The following NFIB variants were observed in gnomAD, a reference collection of about 807,000 sequenced individuals.
NFIB encodes the protein nuclear factor I B.
A neutral mutation model predicts 61.5 loss-of-function variants in NFIB; 11 were observed. The ratio of observed to expected loss-of-function variants is 0.18; its 90% CI spans 0.11 to 0.30. The LOEUF is 0.30. NFIB is among the 10% of genes least tolerant of loss of function. The probability of loss-of-function intolerance (pLI) is 1.00; values close to 1 mark genes in which losing one functional copy is unlikely to be tolerated. For missense variants in NFIB, 471 were observed against 608.9 expected (o/e 0.77, Z 2.38); for synonymous variants, 260 against 216.5 (o/e 1.20, Z -1.76).
chr9:14,145,153 T>C (rs1406385115), intron 6 of NFIB, among the ~76,000 whole-genome samples: 1 of 151,966 alleles, frequency 6.6e-6, no homozygotes, highest in South Asian at 2.1e-4. Context: ...CAGTCAAAAC[T>C]CTCCAGTTGA....
At chr9:14,118,486 A>G (rs1031769981) in intron 8 of NFIB, among the ~76,000 whole-genome samples, 21 of 152,154 alleles carry the variant, frequency 1.4e-4, no homozygotes, top group Admixed American at 1.4e-3. Flanking sequence ...TGACAAAGAA[A>G]GAATTCCCAA....
intron 4 of NFIB, among the ~76,000 whole-genome samples, chr9:14,152,929 T>A (rs1431617600): frequency 6.6e-6 from 1 of 151,930 alleles, no homozygotes; most frequent in East Asian, 1.9e-4. Flanking sequence ...ACAGTTATAA[T>A]AGACAGAAAG....
intron 2 of NFIB, among the ~76,000 whole-genome samples, chr9:14,289,122 G>GTGTATA (rs1554703228): frequency 7.1e-6 from 1 of 139,910 alleles, no homozygotes. Flanking sequence ...GTGTGTATAT[G>GTGTATA]TATATATATA....
the NFIB span, among the ~76,000 whole-genome samples, chr9:14,483,496 A>T: frequency 6.6e-6 from 1 of 152,212 alleles, no homozygotes; most frequent in African/African-American, 2.4e-5. Flanking sequence ...ATATTGGTCA[A>T]GAAGTCAGGC....
the NFIB span, among the ~76,000 whole-genome samples, chr9:14,465,622 C>G: frequency 6.6e-6 from 1 of 151,472 alleles, no homozygotes; most frequent in East Asian, 1.9e-4. Context: ...CTACCCCCTG[C>G]AGCTATGGGC....
chr9:14,157,077 C>T (rs560715222), intron 3 of NFIB, among the ~76,000 whole-genome samples: 12 of 152,216 alleles, frequency 7.9e-5, no homozygotes, highest in African/African-American at 2.9e-4. Flanking sequence ...AGATTCCTCA[C>T]TTAACAAATT....
At chr9:14,499,359 A>C in the NFIB span, among the ~76,000 whole-genome samples, 1 of 152,050 alleles carries the variant, frequency 6.6e-6, no homozygotes, top group Non-Finnish European at 1.5e-5. Flanking sequence ...GGAAGCTGGG[A>C]AGGTGGTCAG....
At chr9:14,323,546 A>G (rs2060710125) in intron 1 of NFIB, among the ~76,000 whole-genome samples, 1 of 152,266 alleles carries the variant, frequency 6.6e-6, no homozygotes, top group Non-Finnish European at 1.5e-5. Flanking sequence ...AAAAGATTTT[A>G]TTACAGAGAT....
intron 2 of NFIB, among the ~76,000 whole-genome samples, chr9:14,191,816 C>T (rs1035173107): frequency 4.6e-5 from 7 of 152,156 alleles, no homozygotes; most frequent in East Asian, 1.9e-4. Context: ...TTTCATTGCA[C>T]GTACCATTAC....
At position 14,289,604 on chromosome 9, in the gene NFIB, TATAC is replaced by T. The variant is rs1014083438; in HGVS notation, c.562+17381_562+17384del. On this transcript the variant is annotated intron_variant, in intron 2 of 10. Transcript: ENST00000380953. ...AAATACACATATATATGCACATACA[TATAC>T]ATACATACATACACACACATATAAA... Among the ~76,000 whole-genome samples, 68 of 151,828 alleles carry T rather than the reference TATAC, an allele frequency of 4.5e-4. 3 individuals are homozygous for T. Among genetic ancestry groups the T allele is most frequent in the Non-Finnish European group, 4.9e-4 (33 of 67,886 alleles).
At chr9:14,285,037 G>C (rs1000410709) in intron 2 of NFIB, among the ~76,000 whole-genome samples, 1 of 152,190 alleles carries the variant, frequency 6.6e-6, no homozygotes, top group Non-Finnish European at 1.5e-5. Flanking sequence ...TAAAAGATTT[G>C]CTTGGAAATC....
the NFIB span, among the ~76,000 whole-genome samples, chr9:14,459,414 C>A: frequency 6.6e-6 from 1 of 152,112 alleles, no homozygotes; most frequent in East Asian, 1.9e-4. Context: ...CATAAAAACC[C>A]TAGAAGAAAA....
intron 10 of NFIB, among the ~76,000 whole-genome samples, chr9:14,099,078 A>G (rs1231686932): frequency 6.6e-6 from 1 of 152,218 alleles, no homozygotes; most frequent in Non-Finnish European, 1.5e-5. Flanking sequence ...CAATTAGTAT[A>G]AAGCAGAAAA....
intron 10 of NFIB, among the ~76,000 whole-genome samples, chr9:14,110,981 T>C (rs2037269619): frequency 6.6e-6 from 1 of 152,108 alleles, no homozygotes; most frequent in Non-Finnish European, 1.5e-5. Context: ...TAAAGAACTT[T>C]TTTTTGCTTC....
chr9:14,311,933 T>C (rs1039042876), intron 1 of NFIB, among the ~76,000 whole-genome samples: 2 of 152,200 alleles, frequency 1.3e-5, no homozygotes, highest in African/African-American at 2.4e-5. Flanking sequence ...GTAATATTAA[T>C]GGTAACTTTT....
chr9:14,302,093 G>C (rs1214854556), intron 2 of NFIB, among the ~76,000 whole-genome samples: 4 of 152,174 alleles, frequency 2.6e-5, no homozygotes, highest in African/African-American at 9.7e-5. Flanking sequence ...TCATCCTAGA[G>C]AGCAGCCTCA....
chr9:14,225,312 C>A lies in NFIB; in HGVS notation c.563-45532G>T, dbSNP rs1411033463. Among the ~76,000 whole-genome samples the A allele has an allele frequency of 2.6e-5, 4 of 151,916 alleles. No homozygotes were observed. In the East Asian group the frequency reaches 7.8e-4, roughly 29 times the overall value. On this transcript the variant is annotated intron_variant, in intron 2 of 10. Transcript: ENST00000380953. The stretch of plus-strand genomic sequence containing the variant: ...TTGTTTGGTACTAGGTTCATCCTTA[C>A]ACTACATTCCTCCTCAAGAAGAAAA...
chr9:14,321,771 TGCA>T (rs1466599402), intron 1 of NFIB, among the ~76,000 whole-genome samples: 1 of 152,148 alleles, frequency 6.6e-6, no homozygotes, highest in Non-Finnish European at 1.5e-5. Flanking sequence ...GTTCTGCAAA[TGCA>T]GCACTATAGC....
intron 2 of NFIB, among the ~76,000 whole-genome samples, chr9:14,236,222 T>C (rs2053729607): frequency 6.6e-6 from 1 of 152,180 alleles, no homozygotes; most frequent in African/African-American, 2.4e-5. Context: ...TTCTCTATAA[T>C]GTTGATTATG....
Sources: allele counts gnomAD v4.1 joint callset (sites outside exome capture counted in the v4.1 genomes callset), GRCh38; gene constraint gnomAD v4.1.1; transcripts MANE v1.5; gene names NCBI Gene and HGNC (gene_info 2026-07-23, HGNC 2026-07-21).